PBLD: variants seen among roughly 807,000 people sequenced by gnomAD.
PBLD encodes the protein phenazine biosynthesis-like domain-containing protein.
PBLD carries 26 observed loss-of-function variants against 31.3 expected under a neutral mutation model. The observed-to-expected ratio is 0.83, with a 90% CI of 0.61 to 1.15. PBLD has a LOEUF of 1.15. Among genes scored for constraint, PBLD ranks in the 50% most tolerant of loss-of-function variants. The pLI is 0.00. For synonymous variants in PBLD, 114 were observed against 129.0 expected (o/e 0.88, Z 0.79); for missense variants, 307 against 351.7 (o/e 0.87, Z 1.02).
chr10:68,304,269 G>A (rs2044547493), intron 2 of PBLD, among the ~76,000 whole-genome samples: 1 of 152,122 alleles, frequency 6.6e-6, no homozygotes, highest in African/African-American at 2.4e-5. Context: ...CACATCCAAA[G>A]AGCAGAAAAG....
chr10:68,324,628 A>ATTTATTTATTTATTTG (rs1489205685), intron 1 of PBLD, among the ~76,000 whole-genome samples: 12 of 150,620 alleles, frequency 8.0e-5, no homozygotes, highest in Admixed American at 4.6e-4. Flanking sequence ...TTATTTATTT[A>ATTTATTTATTTATTTG]TTTATTTAGA....
intron 1 of PBLD, among the ~76,000 whole-genome samples, chr10:68,322,334 G>A (rs570153905): frequency 1.3e-5 from 2 of 152,036 alleles, no homozygotes; most frequent in Admixed American, 6.6e-5. Context: ...GAAAACTACT[G>A]AGCCGTACAT....
chr10:68,287,107 C>G (rs953644023), intron 8 of PBLD: 29 of 107,618 alleles, frequency 2.7e-4, no homozygotes, highest in East Asian at 1.1e-3. Flanking sequence ...CCAGCCTGGG[C>G]AAAAAAAAAA....
At position 68,283,705 on chromosome 10, in the gene PBLD, C is replaced by T. The variant is rs1044277639; in HGVS notation, c.*472G>A. ...CCATTAGTTCATTAGTCTGGAAGCA[C>T]TATTAAATCTCCATTAAAATGTCTT... On this transcript the variant is annotated 3_prime_UTR_variant, in exon 10 of 10. Transcript: ENST00000358769. 7 of 154,882 alleles carry T rather than the reference C, an allele frequency of 4.5e-5. No individual in the cohort carries two copies. The highest frequency in any genetic ancestry group is 1.7e-4 in the African/African-American group (7 of 41,394). 9.6% of individuals were successfully genotyped at this position (154,882 alleles called of 1,614,324 possible).
intron 1 of PBLD, among the ~76,000 whole-genome samples, chr10:68,328,696 T>C (rs1471558912): frequency 3.9e-5 from 6 of 152,170 alleles, no homozygotes; most frequent in Admixed American, 3.9e-4. Context: ...TCCACACAGA[T>C]AGGTCTGGAA....
chr10:68,307,532 C>T (rs574654166), intron 1 of PBLD, among the ~76,000 whole-genome samples: 81 of 152,234 alleles, frequency 5.3e-4, no homozygotes, highest in Middle Eastern at 6.8e-3. Flanking sequence ...CGGAGCATCG[C>T]TCTGTCGTCC....
chr10:68,324,662 T>C (rs2044887605), intron 1 of PBLD, among the ~76,000 whole-genome samples: 1 of 151,824 alleles, frequency 6.6e-6, no homozygotes, highest in South Asian at 2.1e-4. Context: ...TCGCCCAGAC[T>C]GGAGTGCAGT....
rs1005754336 is a variant in PBLD at position 68,319,679 on chromosome 10, A to G, written c.-59-12776T>C. Among the ~76,000 whole-genome samples, 75 of 152,034 alleles carry G rather than the reference A, an allele frequency of 4.9e-4. 1 individual carries two copies. The highest frequency in any genetic ancestry group is 1.7e-3 in the African/African-American group (72 of 41,412). On this transcript the variant is annotated intron_variant, in intron 1 of 9. Transcript: ENST00000358769. ...GAGGTTGCAGTGAGCTGGGATCACA[A>G]CACTGCACTCCGGCCAGGGCGACAG...
chr10:68,312,565 T>C (rs531903690), intron 1 of PBLD, among the ~76,000 whole-genome samples: 2 of 151,914 alleles, frequency 1.3e-5, no homozygotes, highest in African/African-American at 4.8e-5. Flanking sequence ...GGGGGCTTTT[T>C]GTTATTGATT....
rs1033008925 is a variant in PBLD, at chr10:68,306,959, G to T, written c.-59-56C>A. The T allele has an allele frequency of 5.6e-6, 4 of 709,258 alleles. No individual in the cohort carries two copies. The Admixed American group carries it at 1.0e-4, about 18-fold the overall frequency. 43.9% of individuals were successfully genotyped at this position (709,258 alleles called of 1,614,324 possible). On this transcript the variant is annotated intron_variant, in intron 1 of 9. Transcript: ENST00000358769. ...GTTTTACTTGGTGTCCAGACGCAAA[G>T]AACAGTTCCCAGATACAAAGTCAAG... is the stretch of plus-strand genomic sequence containing the variant.
At chr10:68,299,539 T>C (rs2044477229) in intron 2 of PBLD, among the ~76,000 whole-genome samples, 1 of 152,126 alleles carries the variant, frequency 6.6e-6, no homozygotes, top group South Asian at 2.1e-4. Flanking sequence ...AGTCATGATT[T>C]TAAAACTACC....
intron 1 of PBLD, among the ~76,000 whole-genome samples, chr10:68,330,740 G>C (rs1589683104): frequency 8.8e-6 from 1 of 113,110 alleles, no homozygotes; most frequent in South Asian, 2.7e-4. Flanking sequence ...GTGTGTGTGT[G>C]TGTGTGTGTG....
At chr10:68,292,321 T>C in intron 4 of PBLD, 83 bp from the exon 5 acceptor site, 1 of 1,212,952 alleles carries the variant, frequency 8.2e-7, no homozygotes, top group African/African-American at 1.5e-5. Flanking sequence ...TGCATTGTCT[T>C]AGATTTTCTG....
intron 4 of PBLD, among the ~76,000 whole-genome samples, chr10:68,295,447 C>A (rs1479043562): frequency 2.0e-5 from 3 of 151,294 alleles, no homozygotes; most frequent in Admixed American, 6.6e-5. Context: ...GAACTGATAT[C>A]CTGCCTCTGC....
chr10:68,325,744 A>G lies in PBLD; in HGVS notation c.-60+7040T>C, dbSNP rs149437997. Among the ~76,000 whole-genome samples, 97 of 152,240 alleles carry G rather than the reference A, an allele frequency of 6.4e-4. 2 individuals are homozygous for G. The highest frequency in any genetic ancestry group is 2.2e-3 in the African/African-American group (92 of 41,532). On this transcript the variant is annotated intron_variant, in intron 1 of 9. Coordinates refer to ENST00000358769, the MANE Select transcript of PBLD (RefSeq NM_022129.4). Reference sequence around the variant, plus strand: ...GTTATTTTGTACATCCATGCCTTGGATCTTACTGCGTCCTCAACTGTAAAT... The same window carrying G: ...GTTATTTTGTACATCCATGCCTTGGGTCTTACTGCGTCCTCAACTGTAAAT...
Position 68,305,270 on chromosome 10 carries a change from C to CTTTTT in PBLD, c.84+1486_84+1490dup, listed in dbSNP as rs71009039. Among the ~76,000 whole-genome samples the CTTTTT allele has an allele frequency of 1.5e-4, 21 of 136,090 alleles. 1 individual carries two copies. The highest frequency in any genetic ancestry group is 1.5e-4 in the Non-Finnish European group (10 of 65,090). 89.3% of individuals were successfully genotyped at this position (136,090 alleles called of 152,430 possible). On this transcript the variant is annotated intron_variant, in intron 2 of 9. Coordinates refer to ENST00000358769, the MANE Select transcript of PBLD (RefSeq NM_022129.4). Reference sequence around the variant, plus strand: ...AACGACATTCCGCTCATCAGTCCTCCTTTTTTTTTTTTTTTCTTTTTTCTT... The same window carrying CTTTTT: ...AACGACATTCCGCTCATCAGTCCTCCTTTTTTTTTTTTTTTTTTTTCTTTTTTCTT...
chr10:68,330,924 G>A (rs2045053362), intron 1 of PBLD, among the ~76,000 whole-genome samples: 1 of 152,092 alleles, frequency 6.6e-6, no homozygotes. Flanking sequence ...GCGCAATCAC[G>A]GCTCACTGCA....
At chr10:68,332,529 C>T (rs1165464088) in intron 1 of PBLD, among the ~76,000 whole-genome samples, 3 of 152,362 alleles carry the variant, frequency 2.0e-5, no homozygotes, top group Non-Finnish European at 4.4e-5. Context: ...GCGGCCACCT[C>T]GGCTTCCCGC....
At chr10:68,319,444 A>G (rs1023512332) in intron 1 of PBLD, among the ~76,000 whole-genome samples, 3 of 152,244 alleles carry the variant, frequency 2.0e-5, no homozygotes, top group Non-Finnish European at 4.4e-5. Flanking sequence ...GCACTTTGGG[A>G]GGCCAAGACA....
Sources: gnomAD v4.1 joint callset for allele counts (sites outside exome capture counted in the v4.1 genomes callset) on GRCh38, gnomAD v4.1.1 for gene constraint, MANE v1.5 for transcripts, NCBI Gene and HGNC (gene_info 2026-07-23, HGNC 2026-07-21) for gene names.